KCNT2: variants seen among roughly 807,000 people sequenced by gnomAD.
KCNT2 encodes the protein potassium sodium-activated channel subfamily T member 2.
A neutral mutation model predicts 153.8 loss-of-function variants in KCNT2; 67 were observed. That is an observed-to-expected ratio of 0.44 (90% CI 0.36 to 0.53). The LOEUF is 0.53. Ranked by LOEUF, KCNT2 falls within the 20% of genes least tolerant of loss-of-function variation. The pLI, the probability that KCNT2 is intolerant of heterozygous loss-of-function variation, is 0.00. For synonymous variants in KCNT2, 500 were observed against 458.8 expected (o/e 1.09, Z -1.15); for missense variants, 975 against 1,354.8 (o/e 0.72, Z 4.40).
At chr1:196,332,809 G>C (rs1392823920) in intron 17 of KCNT2, among the ~76,000 whole-genome samples, 1 of 144,000 alleles carries the variant, frequency 6.9e-6, no homozygotes, top group Admixed American at 7.0e-5. Context: ...TTTTAAGACA[G>C]AGTCTCACTC....
chr1:196,552,230 A>T (rs1658009729), intron 1 of KCNT2, among the ~76,000 whole-genome samples: 1 of 151,504 alleles, frequency 6.6e-6, no homozygotes, highest in African/African-American at 2.4e-5. Context: ...ACACTCTCCA[A>T]TTCTCTTGAT....
chr1:196,513,856 A>G (rs1255901696), intron 1 of KCNT2, among the ~76,000 whole-genome samples: 2 of 152,226 alleles, frequency 1.3e-5, no homozygotes, highest in South Asian at 4.1e-4. Flanking sequence ...AGAGGAAATA[A>G]AAGTAAATTC....
At chr1:196,559,183 T>C (rs1332595445) in intron 1 of KCNT2, among the ~76,000 whole-genome samples, 1 of 151,636 alleles carries the variant, frequency 6.6e-6, no homozygotes, top group Non-Finnish European at 1.5e-5. Context: ...TTTACTTCAA[T>C]AGAAGTCACA....
At chr1:196,375,030 T>C (rs979963974) in intron 13 of KCNT2, among the ~76,000 whole-genome samples, 14 of 151,798 alleles carry the variant, frequency 9.2e-5, no homozygotes, top group African/African-American at 3.4e-4. Context: ...GAAAATGTGA[T>C]GGATGTGTTA....
rs192915861 is a variant in KCNT2 at position 196,421,179 on chromosome 1, C to T, written c.1185+1871G>A. On this transcript the variant is annotated intron_variant, in intron 12 of 27. Coordinates refer to ENST00000294725, the MANE Select transcript of KCNT2 (RefSeq NM_198503.5). ...TAATATAAAATTAGTATTGTCTCATCTACCAAATCTGTTGTCCCTATAGGT... is the reference window on the plus strand; with the variant it reads ...TAATATAAAATTAGTATTGTCTCATTTACCAAATCTGTTGTCCCTATAGGT... 1.6e-3 allele frequency among the ~76,000 whole-genome samples: 250 copies of T among 152,110 alleles called. 9 individuals are homozygous for T. The highest frequency in any genetic ancestry group is 0.014 in the Admixed American group (214 of 15,248).
intron 22 of KCNT2, among the ~76,000 whole-genome samples, chr1:196,290,554 A>G (rs774078431): frequency 3.7e-4 from 56 of 151,402 alleles, no homozygotes; most frequent in African/African-American, 1.2e-4. Context: ...GTGTGTGTGT[A>G]TATGTATAGG....
intron 1 of KCNT2, among the ~76,000 whole-genome samples, chr1:196,495,142 A>T (rs2148743815): frequency 6.6e-6 from 1 of 152,344 alleles, no homozygotes; most frequent in South Asian, 2.1e-4. Flanking sequence ...TTATATTAAA[A>T]CATGAAATTA....
chr1:196,267,993 T>C (rs1046430433), intron 25 of KCNT2, among the ~76,000 whole-genome samples: 7 of 152,148 alleles, frequency 4.6e-5, no homozygotes, highest in African/African-American at 1.2e-4. Flanking sequence ...GGTGGTATTG[T>C]GTTAAATGTG....
At chr1:196,553,240 C>A (rs139490791) in intron 1 of KCNT2, among the ~76,000 whole-genome samples, 2 of 150,414 alleles carry the variant, frequency 1.3e-5, no homozygotes, top group Non-Finnish European at 3.0e-5. Context: ...TCAAAAAAAG[C>A]AAAAGTAGCT....
chr1:196,403,693 T>TAACA (rs1671604626), intron 12 of KCNT2, among the ~76,000 whole-genome samples: 1 of 151,362 alleles, frequency 6.6e-6, no homozygotes, highest in Non-Finnish European at 1.5e-5. Context: ...TCTATATTTT[T>TAACA]TGTTCCATTC....
chr1:196,234,294 T>C (rs1009678679), intron 27 of KCNT2, among the ~76,000 whole-genome samples: 1 of 151,242 alleles, frequency 6.6e-6, no homozygotes, highest in South Asian at 2.1e-4. Context: ...AGCCCCTCTT[T>C]CCTGCCTGGA....
intron 25 of KCNT2, 64 bp from the exon 26 acceptor site, chr1:196,258,558 TA>T (rs1656721263): frequency 8.5e-7 from 1 of 1,172,444 alleles, no homozygotes. Context: ...GAAGTTGAAA[TA>T]ATATTTTATT....
intron 13 of KCNT2, among the ~76,000 whole-genome samples, chr1:196,374,259 A>G (rs1668765165): frequency 6.6e-6 from 1 of 151,876 alleles, no homozygotes; most frequent in South Asian, 2.1e-4. Context: ...AGCTAGATCT[A>G]TAAAATGAAT....
chr1:196,602,180 C>G (rs748768076), intron 1 of KCNT2, among the ~76,000 whole-genome samples: 2 of 151,952 alleles, frequency 1.3e-5, no homozygotes, highest in Non-Finnish European at 2.9e-5. Flanking sequence ...TGAAGGATAC[C>G]GCTAAACATT....
chr1:196,381,662 C>T (rs1558220746), intron 13 of KCNT2, among the ~76,000 whole-genome samples: 1 of 152,080 alleles, frequency 6.6e-6, no homozygotes, highest in Non-Finnish European at 1.5e-5. Context: ...AAATAGGTAA[C>T]AGAATGTAGC....
At chr1:196,274,142 G>A (rs1658335689) in intron 25 of KCNT2, among the ~76,000 whole-genome samples, 1 of 151,384 alleles carries the variant, frequency 6.6e-6, no homozygotes, top group Non-Finnish European at 1.5e-5. Context: ...TTTCATATTG[G>A]CTATGGAATC....
intron 8 of KCNT2, among the ~76,000 whole-genome samples, chr1:196,437,591 T>C (rs893576700): frequency 1.3e-5 from 2 of 150,316 alleles, no homozygotes; most frequent in East Asian, 3.9e-4. Flanking sequence ...TTAATACATA[T>C]CAAAGTTACT....
At chr1:196,287,597 A>G (rs1253916992) in intron 22 of KCNT2, among the ~76,000 whole-genome samples, 1 of 152,140 alleles carries the variant, frequency 6.6e-6, no homozygotes, top group Non-Finnish European at 1.5e-5. Context: ...ACACATCTGA[A>G]TCCTATTGAT....
intron 2 of KCNT2, among the ~76,000 whole-genome samples, chr1:196,491,329 C>T (rs1241991686): frequency 3.9e-5 from 6 of 152,136 alleles, no homozygotes; most frequent in Non-Finnish European, 5.9e-5. Context: ...GTCATTAAGA[C>T]TATCTGAGCA....
Sources: gnomAD v4.1 joint callset for allele counts (sites outside exome capture counted in the v4.1 genomes callset) on GRCh38, gnomAD v4.1.1 for gene constraint, MANE v1.5 for transcripts, NCBI Gene and HGNC (gene_info 2026-07-23, HGNC 2026-07-21) for gene names.